The following FSHR variants were observed in gnomAD, a reference collection of about 807,000 sequenced individuals.
FSHR encodes follicle stimulating hormone receptor.
Under a neutral mutation model 52.1 loss-of-function variants are expected in FSHR, and 46 were observed. The ratio of observed to expected loss-of-function variants is 0.88; its 90% CI spans 0.70 to 1.13. FSHR has a LOEUF of 1.13. FSHR is among the 50% of genes most tolerant of loss of function. The probability of loss-of-function intolerance (pLI) is 0.00; values close to 1 mark genes in which losing one functional copy is unlikely to be tolerated. For synonymous variants in FSHR, 399 were observed against 309.6 expected (o/e 1.29, Z -3.03); for missense variants, 964 against 834.6 (o/e 1.16, Z -1.91).
At chr2:49,002,618 C>T (rs1012068222) in intron 4 of FSHR, among the ~76,000 whole-genome samples, 2 of 152,020 alleles carry the variant, frequency 1.3e-5, no homozygotes, top group Non-Finnish European at 2.9e-5. Context: ...ATTGTGAGAA[C>T]TCGCTGATTG....
At chr2:48,999,742 G>A (rs1676174192) in intron 4 of FSHR, among the ~76,000 whole-genome samples, 1 of 152,136 alleles carries the variant, frequency 6.6e-6, no homozygotes, top group African/African-American at 2.4e-5. Context: ...TAAGCAGCTT[G>A]TTTCCTGCAG....
chr2:48,975,959 T>C, intron 8 of FSHR, among the ~76,000 whole-genome samples: 1 of 152,216 alleles, frequency 6.6e-6, no homozygotes, highest in Non-Finnish European at 1.5e-5. Context: ...CCTCTCTTCC[T>C]ATTTGAATAC....
intron 3 of FSHR, among the ~76,000 whole-genome samples, chr2:49,018,827 G>A (rs981781377): frequency 3.4e-5 from 4 of 117,468 alleles, no homozygotes; most frequent in Admixed American, 8.3e-5. Context: ...TCACACACAC[G>A]CGCATGCACA....
In FSHR at chr2:49,025,819, C is replaced by G. The variant is rs11898204; in HGVS notation, c.225-5659G>C. 3.6e-3 allele frequency among the ~76,000 whole-genome samples: 541 copies of G among 152,302 alleles called. 6 individuals carry two copies. Among genetic ancestry groups the G allele is most frequent in the African/African-American group, 0.012 (517 of 41,566 alleles). Reference sequence around the variant, plus strand: ...TCCGAACCCAAGCCCCTTCCTAAATCCTATAGTGAGATTGGCTATCTGGTC... The same window carrying G: ...TCCGAACCCAAGCCCCTTCCTAAATGCTATAGTGAGATTGGCTATCTGGTC... On this transcript the variant is annotated intron_variant, in intron 2 of 9. Coordinates refer to ENST00000406846, the MANE Select transcript of FSHR (RefSeq NM_000145.4).
chr2:49,057,817 T>G (rs932602089), intron 2 of FSHR, among the ~76,000 whole-genome samples: 3 of 152,128 alleles, frequency 2.0e-5, no homozygotes, highest in Non-Finnish European at 4.4e-5. Flanking sequence ...AAAGAAATAA[T>G]ATATGAGAAT....
chr2:49,078,809 G>A (rs560492455), intron 1 of FSHR, among the ~76,000 whole-genome samples: 30 of 152,266 alleles, frequency 2.0e-4, no homozygotes, highest in Non-Finnish European at 3.7e-4. Flanking sequence ...AAATTGGAAT[G>A]AGACAATGAT....
intron 6 of FSHR, among the ~76,000 whole-genome samples, chr2:48,985,115 A>G (rs1048435459): frequency 6.6e-6 from 1 of 152,064 alleles, no homozygotes; most frequent in Admixed American, 6.6e-5. Flanking sequence ...GATGATGACG[A>G]TGATGACGAT....
rs551707745 is a variant in FSHR at position 49,103,267 on chromosome 2, G to A, written c.153-34977C>T. ...AAGGGACTGATACAGAAATGCTGGT[G>A]TGGCTCCTCTTATAATTTGAAAGAT... is the stretch of plus-strand genomic sequence containing the variant. On this transcript the variant is annotated intron_variant, in intron 1 of 9. Coordinates refer to ENST00000406846, the MANE Select transcript of FSHR (RefSeq NM_000145.4). Among the ~76,000 whole-genome samples the A allele has an allele frequency of 9.9e-5, 15 of 152,246 alleles. No individual in the cohort carries two copies. The East Asian group carries it at 2.1e-3, about 22-fold the overall frequency.
At chr2:49,065,807 GC>G (rs1461377589) in intron 2 of FSHR, among the ~76,000 whole-genome samples, 1 of 152,018 alleles carries the variant, frequency 6.6e-6, no homozygotes, top group East Asian at 1.9e-4. Flanking sequence ...TTTTTGAAGG[GC>G]AGTTGAAGAA....
intron 2 of FSHR, among the ~76,000 whole-genome samples, chr2:49,050,929 C>G (rs887593750): frequency 8.5e-5 from 13 of 152,154 alleles, no homozygotes; most frequent in Non-Finnish European, 7.4e-5. Flanking sequence ...ACTAATCTTT[C>G]TGTTACCATA....
At chr2:49,005,006 T>C (rs945513356) in intron 4 of FSHR, among the ~76,000 whole-genome samples, 2 of 152,130 alleles carry the variant, frequency 1.3e-5, no homozygotes, top group African/African-American at 4.8e-5. Flanking sequence ...ATGGAGTCCA[T>C]CACTACCAAC....
chr2:49,076,750 T>C (rs1037807959), intron 1 of FSHR, among the ~76,000 whole-genome samples: 68 of 152,148 alleles, frequency 4.5e-4, no homozygotes, highest in African/African-American at 1.6e-3. Context: ...GGTAGAGGTA[T>C]TGGGTAAATA....
chr2:49,009,708 A>G (rs896369754), intron 4 of FSHR, among the ~76,000 whole-genome samples: 23 of 147,554 alleles, frequency 1.6e-4, no homozygotes, highest in African/African-American at 4.9e-4. Context: ...TTCCTTGAGC[A>G]GTGGTTTGTA....
chr2:48,989,158 G>T, intron 5 of FSHR, 104 bp from the exon 6 acceptor site: 2 of 759,414 alleles, frequency 2.6e-6, no homozygotes, highest in Non-Finnish European at 4.6e-6. Context: ...CTGAGGTAAT[G>T]TATTAATATA....
intron 1 of FSHR, among the ~76,000 whole-genome samples, chr2:49,130,527 A>G (rs1672226955): frequency 1.3e-5 from 2 of 152,206 alleles, no homozygotes; most frequent in Admixed American, 1.3e-4. Flanking sequence ...AATTCAGTTC[A>G]ACTCATCTAT....
Position 48,962,524 on chromosome 2 carries a change from ATTCT to A in FSHR, c.*205_*208del. ...GATAAAATATGTAATACAGTATTGC[ATTCT>A]TTAATTATTATTGTTGTTACTAATA... On this transcript the variant is annotated 3_prime_UTR_variant, in exon 10 of 10. Transcript: ENST00000406846. 1.7e-6 allele frequency: 1 copy of A among 589,224 alleles called. No individual in the cohort carries two copies. The highest frequency in any genetic ancestry group is 3.0e-5 in the Admixed American group (1 of 33,796). 36.5% of individuals were successfully genotyped at this position (589,224 alleles called of 1,614,324 possible).
Position 48,983,158 on chromosome 2 carries a change from T to C in FSHR, c.533A>G (p.Asn178Ser). 1 of 1,614,096 alleles carries C rather than the reference T, an allele frequency of 6.2e-7. No individual in the cohort carries two copies. Among genetic ancestry groups the C allele is most frequent in the Non-Finnish European group, 8.5e-7 (1 of 1,179,962 alleles). The change falls in exon 7 of 10, where the codon AAT becomes AGT. Residue 178 changes from asparagine to serine, a missense_variant. By Grantham distance (46) the Asn-to-Ser change is conservative. Coordinates refer to ENST00000406846, the MANE Select transcript of FSHR (RefSeq NM_000145.4). The part of the protein sequence containing the change: ...LSFESVILWL[N>S]KNGIQEIHNC... ...GTGTATTTCTTGAATCCCATTCTTA[T>C]TCAGCCATCTGAAATAAAAGGCCTA...
Position 49,116,744 on chromosome 2 carries a change from G to C in FSHR, c.152+37522C>G, listed in dbSNP as rs368289546. Among the ~76,000 whole-genome samples, 71 of 152,082 alleles carry C rather than the reference G, an allele frequency of 4.7e-4. 1 individual carries two copies. The highest frequency in any genetic ancestry group is 1.7e-3 in the African/African-American group (71 of 41,480). The stretch of plus-strand genomic sequence containing the variant: ...TTTTATTTTTAATTGACAAATAATG[G>C]GGTACAATATGATAGTTTGATGCAC... On this transcript the variant is annotated intron_variant, in intron 1 of 9. Transcript: ENST00000406846.
At chr2:49,091,470 T>A (rs12473600) in intron 1 of FSHR, among the ~76,000 whole-genome samples, 27,299 of 151,912 alleles carry the variant, frequency 0.18, 2,789 homozygotes, top group South Asian at 0.26. Context: ...TGCCTGGCTA[T>A]ATTTTTTGTA....
Sources: gnomAD v4.1 joint callset for allele counts (sites outside exome capture counted in the v4.1 genomes callset) on GRCh38, gnomAD v4.1.1 for gene constraint, MANE v1.5 for transcripts, NCBI Gene and HGNC (gene_info 2026-07-23, HGNC 2026-07-21) for gene names.